Variants in GRID2 observed in about 807,000 individuals in gnomAD.
GRID2 encodes glutamate receptor ionotropic, delta-2.
A neutral mutation model predicts 114.8 loss-of-function variants in GRID2; 33 were observed. That is an observed-to-expected ratio of 0.29 (90% CI 0.22 to 0.38). The LOEUF (loss-of-function observed/expected upper bound fraction) is 0.38, where lower values mean the gene tolerates loss of function less well. Ranked by LOEUF, GRID2 falls within the 10% of genes least tolerant of loss-of-function variation. The probability of loss-of-function intolerance (pLI) is 1.00; values close to 1 mark genes in which losing one functional copy is unlikely to be tolerated. For synonymous variants in GRID2, 505 were observed against 449.9 expected (o/e 1.12, Z -1.55); for missense variants, 1,184 against 1,257.7 (o/e 0.94, Z 0.89).
chr4:92,583,344 TA>T (rs1246632814), intron 1 of GRID2, among the ~76,000 whole-genome samples: 6 of 127,908 alleles, frequency 4.7e-5, no homozygotes, highest in Non-Finnish European at 1.0e-4. Flanking sequence ...TTCAGAATAA[TA>T]TTTGCTAATT....
chr4:93,134,441 G>A (rs1254096730), intron 4 of GRID2, among the ~76,000 whole-genome samples: 2 of 152,104 alleles, frequency 1.3e-5, no homozygotes, highest in Non-Finnish European at 2.9e-5. Flanking sequence ...TGAGTCTACA[G>A]TCCTAATGGC....
intron 8 of GRID2, among the ~76,000 whole-genome samples, chr4:93,250,692 T>G (rs546432062): frequency 2.7e-5 from 4 of 146,890 alleles, no homozygotes; most frequent in Non-Finnish European, 6.0e-5. Flanking sequence ...TATATATATA[T>G]AAAATGTGCA....
At chr4:93,483,164 G>A (rs1378549413) in intron 11 of GRID2, among the ~76,000 whole-genome samples, 1 of 150,168 alleles carries the variant, frequency 6.7e-6, no homozygotes, top group African/African-American at 2.5e-5. Flanking sequence ...ATCTTTCTTT[G>A]TTTTTCTACA....
chr4:93,517,808 C>A (rs1729876729), intron 13 of GRID2, among the ~76,000 whole-genome samples: 1 of 151,392 alleles, frequency 6.6e-6, no homozygotes, highest in South Asian at 2.1e-4. Flanking sequence ...TTTATACAGG[C>A]AGATAAGACA....
chr4:92,833,908 T>C (rs1578263650), intron 2 of GRID2: 1 of 152,208 alleles, frequency 6.6e-6, no homozygotes. Flanking sequence ...CATTTTAACT[T>C]CTTCAGGAGC....
chr4:92,360,036 C>T (rs1373820209), intron 1 of GRID2, among the ~76,000 whole-genome samples: 1 of 151,896 alleles, frequency 6.6e-6, no homozygotes, highest in Non-Finnish European at 1.5e-5. Flanking sequence ...AGCCTAATCT[C>T]CCTCTGGAGA....
intron 1 of GRID2, among the ~76,000 whole-genome samples, chr4:93,804,295 G>A (rs1734990776): frequency 6.6e-6 from 1 of 152,130 alleles, no homozygotes; most frequent in Non-Finnish European, 1.5e-5. Context: ...GGAAAAATGA[G>A]TCATTAGGTG....
At chr4:92,960,393 A>G (rs1001129354) in intron 2 of GRID2, among the ~76,000 whole-genome samples, 20 of 151,954 alleles carry the variant, frequency 1.3e-4, no homozygotes, top group East Asian at 3.9e-4. Context: ...AGGTTTATCT[A>G]TTTCTTCTTT....
intron 9 of GRID2, among the ~76,000 whole-genome samples, chr4:93,400,737 TTTGA>T (rs1765800865): frequency 6.6e-6 from 1 of 152,240 alleles, no homozygotes; most frequent in Admixed American, 6.6e-5. Context: ...ATTTACCTAC[TTTGA>T]TTGGCCTTAA....
chr4:92,489,713 G>A (rs981382935), intron 1 of GRID2, among the ~76,000 whole-genome samples: 6 of 151,996 alleles, frequency 3.9e-5, no homozygotes, highest in African/African-American at 4.8e-5. Flanking sequence ...AGCGGTGGTG[G>A]TGCGCGCCTG....
At chr4:93,213,228 G>A (rs1743775960) in intron 5 of GRID2, among the ~76,000 whole-genome samples, 1 of 152,092 alleles carries the variant, frequency 6.6e-6, no homozygotes. Context: ...TTGGTACATA[G>A]CCTACAGTTG....
chr4:93,565,060 T>C (rs1046154295), intron 13 of GRID2, among the ~76,000 whole-genome samples: 3 of 152,080 alleles, frequency 2.0e-5, no homozygotes, highest in Admixed American at 6.6e-5. Context: ...CTAGTTGCAA[T>C]TGAACTGTCA....
intron 11 of GRID2, among the ~76,000 whole-genome samples, chr4:93,457,865 A>C (rs967582714): frequency 6.6e-6 from 1 of 152,226 alleles, no homozygotes; most frequent in Non-Finnish European, 1.5e-5. Flanking sequence ...TCTGCTGCAC[A>C]TTGAGTTTGA....
intron 2 of GRID2, among the ~76,000 whole-genome samples, chr4:92,878,878 T>C (rs1282269848): frequency 5.3e-5 from 8 of 152,142 alleles, no homozygotes; most frequent in Admixed American, 3.9e-4. Context: ...GATGAAATCA[T>C]GTAAGACAAA....
At chr4:92,652,798 A>G (rs1196635822) in intron 2 of GRID2, among the ~76,000 whole-genome samples, 1 of 132,904 alleles carries the variant, frequency 7.5e-6, no homozygotes, top group Non-Finnish European at 1.6e-5. Flanking sequence ...CAAGATGGTG[A>G]AAAAAAAAAT....
At chr4:92,475,895 T>C (rs1722285639) in intron 1 of GRID2, among the ~76,000 whole-genome samples, 1 of 152,082 alleles carries the variant, frequency 6.6e-6, no homozygotes, top group Non-Finnish European at 1.5e-5. Context: ...TAGTTAAACA[T>C]ATTCCTAAAT....
At chr4:93,506,940 G>T (rs934472619) in intron 12 of GRID2, among the ~76,000 whole-genome samples, 1 of 152,162 alleles carries the variant, frequency 6.6e-6, no homozygotes. Context: ...AGAGATTGCT[G>T]TCTCTGGGTT....
At chr4:92,475,008 T>C (rs1268746830) in intron 1 of GRID2, among the ~76,000 whole-genome samples, 4 of 148,168 alleles carry the variant, frequency 2.7e-5, no homozygotes, top group Admixed American at 6.8e-5. Context: ...TTAGGAGATA[T>C]ACCTAATGCT....
At chr4:93,617,107 T>G (rs1460391856) in intron 13 of GRID2, among the ~76,000 whole-genome samples, 1 of 152,162 alleles carries the variant, frequency 6.6e-6, no homozygotes, top group African/African-American at 2.4e-5. Context: ...ACACAAAACT[T>G]TACTGCAGAA....
Sources: allele counts gnomAD v4.1 joint callset (sites outside exome capture counted in the v4.1 genomes callset), GRCh38; gene constraint gnomAD v4.1.1; transcripts MANE v1.5; gene names NCBI Gene and HGNC (gene_info 2026-07-23, HGNC 2026-07-21).